Variants in IGSF5 observed in about 807,000 individuals in gnomAD.
IGSF5 encodes the protein immunoglobulin superfamily 5 like.
A neutral mutation model predicts 39.4 loss-of-function variants in IGSF5; 41 were observed. The ratio of observed to expected loss-of-function variants is 1.04; its 90% CI spans 0.81 to 1.35. The LOEUF (loss-of-function observed/expected upper bound fraction) is 1.35, where lower values mean the gene tolerates loss of function less well. Among genes scored for constraint, IGSF5 ranks in the 40% most tolerant of loss-of-function variants. The probability of loss-of-function intolerance (pLI) is 0.00; values close to 1 mark genes in which losing one functional copy is unlikely to be tolerated. For missense variants in IGSF5, 487 were observed against 494.6 expected (o/e 0.98, Z 0.15); for synonymous variants, 183 against 175.3 (o/e 1.04, Z -0.34).
At chr21:39,756,043 A>G (rs555053739) in intron 2 of IGSF5, among the ~76,000 whole-genome samples, 7 of 152,312 alleles carry the variant, frequency 4.6e-5, no homozygotes, top group African/African-American at 1.4e-4. Flanking sequence ...GTGAGCCGAG[A>G]TCGTGCCATT....
At chr21:39,753,350 A>G (rs1437193528) in intron 2 of IGSF5, among the ~76,000 whole-genome samples, 4 of 152,130 alleles carry the variant, frequency 2.6e-5, no homozygotes, top group African/African-American at 9.7e-5. Flanking sequence ...CCATTAGTCT[A>G]TGTGCCTATT....
chr21:39,787,895 C>A (rs2086933361), intron 5 of IGSF5, among the ~76,000 whole-genome samples: 1 of 152,080 alleles, frequency 6.6e-6, no homozygotes, highest in Non-Finnish European at 1.5e-5. Flanking sequence ...TAAGTAAATA[C>A]CCCTGGGTGA....
At chr21:39,779,554 T>C (rs569299702) in intron 5 of IGSF5, among the ~76,000 whole-genome samples, 1 of 152,354 alleles carries the variant, frequency 6.6e-6, no homozygotes, top group Non-Finnish European at 1.5e-5. Context: ...TTCCTGGGTC[T>C]ATATCCAAAA....
At chr21:39,801,004 A>G (rs1170490005) in intron 8 of IGSF5, among the ~76,000 whole-genome samples, 1 of 152,262 alleles carries the variant, frequency 6.6e-6, no homozygotes, top group Non-Finnish European at 1.5e-5. Context: ...AAACAAAACA[A>G]TGAGTCGTGG....
upstream of IGSF5, among the ~76,000 whole-genome samples, chr21:39,741,691 G>A (rs1196855082): frequency 6.6e-6 from 1 of 152,196 alleles, no homozygotes; most frequent in Non-Finnish European, 1.5e-5. Flanking sequence ...GTCCAGGTGA[G>A]TTGAGATGTT....
At chr21:39,747,957 G>A (rs974253675) in intron 2 of IGSF5, among the ~76,000 whole-genome samples, 2 of 150,202 alleles carry the variant, frequency 1.3e-5, no homozygotes, top group Non-Finnish European at 3.0e-5. Flanking sequence ...AAAAACAACC[G>A]ATTCCTGTTA....
At chr21:39,748,576 C>G (rs547426976) in intron 2 of IGSF5, among the ~76,000 whole-genome samples, 1 of 151,936 alleles carries the variant, frequency 6.6e-6, no homozygotes, top group Non-Finnish European at 1.5e-5. Context: ...CTCAAGAGAA[C>G]GAGATCTTAT....
chr21:39,720,374 T>C, the IGSF5 span, among the ~76,000 whole-genome samples: 1 of 152,144 alleles, frequency 6.6e-6, no homozygotes, highest in Non-Finnish European at 1.5e-5. Flanking sequence ...TGAAGAGCAG[T>C]TCCTAACGGG....
intron 4 of IGSF5, among the ~76,000 whole-genome samples, chr21:39,772,356 G>T (rs2080119451): frequency 6.6e-6 from 1 of 152,186 alleles, no homozygotes; most frequent in Non-Finnish European, 1.5e-5. Flanking sequence ...TGGCAACTCT[G>T]CCCACCGTGT....
the IGSF5 span, among the ~76,000 whole-genome samples, chr21:39,720,671 A>C: frequency 6.6e-6 from 1 of 152,194 alleles, no homozygotes; most frequent in Admixed American, 6.5e-5. Flanking sequence ...GGAATTCAAG[A>C]GAGGAAAAGG....
At chr21:39,799,903 T>C (rs1216424222) in intron 8 of IGSF5, among the ~76,000 whole-genome samples, 1 of 152,154 alleles carries the variant, frequency 6.6e-6, no homozygotes. Flanking sequence ...AAGAGATTCA[T>C]TTTCAAAACT....
At position 39,793,584 on chromosome 21, in the gene IGSF5, A is replaced by G. The variant is rs922041163; in HGVS notation, c.1099A>G (p.Arg367Gly). 1 of 1,614,066 alleles carries G rather than the reference A, an allele frequency of 6.2e-7. No homozygotes were observed. The highest frequency in any genetic ancestry group is 8.5e-7 in the Non-Finnish European group (1 of 1,179,940). The change falls in exon 8 of 9, where the codon AGA (arginine) becomes GGA (glycine). Residue 367 changes from arginine to glycine, a missense_variant. Arg to Gly is a moderately radical substitution (Grantham distance 125). Transcript: ENST00000380588. Reference sequence around the variant, plus strand: ...CTGTGAATCCAGTGATCCTGAACAAAGAAACAGTAGCTGTGGCCCTCCTCA... The same window carrying G: ...CTGTGAATCCAGTGATCCTGAACAAGGAAACAGTAGCTGTGGCCCTCCTCA... The part of the protein sequence containing the change: ...KSCESSDPEQ[R>G]NSSCGPPHQR...
At chr21:39,750,604 G>T (rs945165874) in intron 2 of IGSF5, among the ~76,000 whole-genome samples, 1 of 151,138 alleles carries the variant, frequency 6.6e-6, no homozygotes, top group Non-Finnish European at 1.5e-5. Flanking sequence ...GCAAAGCCAC[G>T]TTCCTGTGTT....
At chr21:39,720,958 A>T in the IGSF5 span, among the ~76,000 whole-genome samples, 1 of 152,246 alleles carries the variant, frequency 6.6e-6, no homozygotes, top group Non-Finnish European at 1.5e-5. Context: ...ACAGCCACCC[A>T]AAGAGAACAC....
chr21:39,722,176 C>G, the IGSF5 span, among the ~76,000 whole-genome samples: 6 of 152,106 alleles, frequency 3.9e-5, no homozygotes, highest in Non-Finnish European at 8.8e-5. Flanking sequence ...GAAAGGGAAG[C>G]TAGTGAAAGA....
intron 7 of IGSF5, 100 bp from the exon 8 acceptor site, chr21:39,793,434 C>A: frequency 2.3e-6 from 2 of 863,816 alleles, no homozygotes; most frequent in Non-Finnish European, 3.8e-6. Context: ...GCCAGCGGTA[C>A]TACATAAAAG....
intron 6 of IGSF5, among the ~76,000 whole-genome samples, chr21:39,788,530 C>G (rs1490556638): frequency 6.6e-6 from 1 of 152,224 alleles, no homozygotes; most frequent in Admixed American, 6.5e-5. Flanking sequence ...TGGGCGGAGG[C>G]CAGGGCCACC....
the IGSF5 span, among the ~76,000 whole-genome samples, chr21:39,720,677 A>G: frequency 2.2e-4 from 33 of 152,298 alleles, no homozygotes; most frequent in Non-Finnish European, 3.2e-4. Flanking sequence ...CAAGAGAGGA[A>G]AAGGGCATTA....
chr21:39,765,911 C>A, intron 3 of IGSF5, 59 bp downstream of exon 3: 1 of 1,497,636 alleles, frequency 6.7e-7, no homozygotes, highest in Non-Finnish European at 9.1e-7. Flanking sequence ...GCAGGAAGGA[C>A]CTTCTAAAGT....
Sources: gnomAD v4.1 joint callset for allele counts (sites outside exome capture counted in the v4.1 genomes callset) on GRCh38, gnomAD v4.1.1 for gene constraint, MANE v1.5 for transcripts, NCBI Gene and HGNC (gene_info 2026-07-23, HGNC 2026-07-21) for gene names.